The following TRPC4AP variants were observed in gnomAD, a reference collection of about 807,000 sequenced individuals.
TRPC4AP encodes the protein short transient receptor potential channel 4-associated protein.
TRPC4AP carries 45 observed loss-of-function variants against 99.0 expected under a neutral mutation model. The ratio of observed to expected loss-of-function variants is 0.45; its 90% CI spans 0.36 to 0.58. TRPC4AP has a LOEUF of 0.58. Ranked by LOEUF, TRPC4AP falls within the 20% of genes least tolerant of loss-of-function variation. The pLI, the probability that TRPC4AP is intolerant of heterozygous loss-of-function variation, is 0.00. For missense variants in TRPC4AP, 879 were observed against 985.3 expected, an observed-to-expected ratio of 0.89 and a Z score of 1.44; for synonymous variants, 408 against 385.8, an observed-to-expected ratio of 1.06 and a Z score of -0.67.
chr20:35,077,869 T>C (rs1456856802), intron 2 of TRPC4AP, among the ~76,000 whole-genome samples, 177 bp downstream of exon 2: 1 of 152,140 alleles, frequency 6.6e-6, no homozygotes, highest in Non-Finnish European at 1.5e-5. Flanking sequence ...GATGATGGGA[T>C]TATAGGTGAT....
At position 35,003,011 on chromosome 20, in the gene TRPC4AP, TCCCACCAAG is replaced by T. The variant is rs2082425835; in HGVS notation, c.*126_*134del. The T allele has an allele frequency of 1.5e-6, 2 of 1,297,406 alleles. No homozygotes were observed. The highest frequency in any genetic ancestry group is 2.1e-6 in the Non-Finnish European group (2 of 945,254). The allele number at this position is 1,297,406 out of a possible 1,614,324, so 80.4% of individuals were successfully genotyped here. ...GGACCAAGGGCTTCTAGGACTTCCCTCCCACCAAGCCTGTACCCAAAGACCTGGGGCAGG... is the reference window on the plus strand; with the variant it reads ...GGACCAAGGGCTTCTAGGACTTCCCTCCTGTACCCAAAGACCTGGGGCAGG... On this transcript the variant is annotated 3_prime_UTR_variant, in exon 19 of 19. Transcript: ENST00000252015.
rs370558652 is a variant in TRPC4AP at position 35,044,684 on chromosome 20, T to C, written c.686A>G (p.Asn229Ser). 2.8e-5 allele frequency: 45 copies of C among 1,614,040 alleles called. No individual in the cohort carries two copies. The highest frequency in any genetic ancestry group is 1.7e-4 in the Admixed American group (10 of 59,998). ...GAAATTGGATACTAAGGAACTCAGA[T>C]TGGGGACTTCATCTAGTCGGATCAT... ...KEMIRLDEVP[N>S]LSSLVSNFDQ... The change falls in exon 7 of 19, where the codon AAT becomes AGT. Residue 229 changes from asparagine (N) to serine (S), a missense_variant. By Grantham distance (46) the Asn-to-Ser change is conservative (BLOSUM62 1). This residue lies in a region of TRPC4AP where 603 missense variants were observed against 631.8 expected (regional missense o/e 0.95). Coordinates refer to ENST00000252015, the MANE Select transcript of TRPC4AP (RefSeq NM_015638.3).
intron 7 of TRPC4AP, among the ~76,000 whole-genome samples, chr20:35,040,394 C>T (rs1001250604): frequency 6.6e-6 from 1 of 152,176 alleles, no homozygotes; most frequent in African/African-American, 2.4e-5. Context: ...TCTCCCCCTT[C>T]TGGAGTGGGA....
At chr20:35,017,636 G>C (rs1029045942) in intron 9 of TRPC4AP, among the ~76,000 whole-genome samples, 1 of 152,096 alleles carries the variant, frequency 6.6e-6, no homozygotes, top group African/African-American at 2.4e-5. Flanking sequence ...TGATTGCAAC[G>C]GCACCTAACT....
At chr20:35,037,071 G>A (rs998884587) in intron 7 of TRPC4AP, among the ~76,000 whole-genome samples, 4 of 152,052 alleles carry the variant, frequency 2.6e-5, no homozygotes, top group Non-Finnish European at 5.9e-5. Flanking sequence ...AGTTGGCCAG[G>A]CACGGTGGCT....
intron 7 of TRPC4AP, among the ~76,000 whole-genome samples, chr20:35,040,402 G>C (rs1480087895): frequency 6.6e-6 from 1 of 152,126 alleles, no homozygotes; most frequent in Non-Finnish European, 1.5e-5. Flanking sequence ...TTCTGGAGTG[G>C]GAAGTTTTTC....
intron 3 of TRPC4AP, among the ~76,000 whole-genome samples, chr20:35,059,608 T>A (rs1033224022): frequency 6.6e-6 from 1 of 151,856 alleles, no homozygotes; most frequent in Non-Finnish European, 1.5e-5. Flanking sequence ...CAGTGAGCTA[T>A]GATCATGCCA....
chr20:35,058,813 A>G (rs960617180), intron 3 of TRPC4AP, among the ~76,000 whole-genome samples: 2 of 148,438 alleles, frequency 1.3e-5, no homozygotes, highest in South Asian at 4.2e-4. Flanking sequence ...CCTCAGCCTC[A>G]GAGTAGCAGG....
intron 3 of TRPC4AP, among the ~76,000 whole-genome samples, chr20:35,060,584 C>CGAAAAAAAA (rs1569133058): frequency 2.2e-5 from 1 of 45,868 alleles, no homozygotes; most frequent in Non-Finnish European, 4.3e-5. Flanking sequence ...GACCTTGTCT[C>CGAAAAAAAA]CAAAAAAAAA....
In TRPC4AP at chr20:35,051,067, CACAT is replaced by C. The variant is rs1191182052; in HGVS notation, c.529-1077_529-1074del. ...ACACACACACACACACACACACACA[CACAT>C]ATATATCCCACCCCTACTGCCTTAA... is the stretch of plus-strand genomic sequence containing the variant. On this transcript the variant is annotated intron_variant, in intron 5 of 18. Transcript: ENST00000252015. Among the ~76,000 whole-genome samples the C allele has an allele frequency of 1.9e-4, 29 of 151,392 alleles. No individual in the cohort carries two copies. The South Asian group carries it at 2.1e-3, about 11-fold the overall frequency.
intron 3 of TRPC4AP, among the ~76,000 whole-genome samples, chr20:35,061,046 AAACT>A (rs558265369): frequency 6.6e-5 from 10 of 152,220 alleles, no homozygotes; most frequent in South Asian, 2.1e-4. Context: ...GGAATAAGTA[AAACT>A]AACTATTTAC....
chr20:35,008,269 TC>T (rs1430308730), intron 13 of TRPC4AP, among the ~76,000 whole-genome samples: 2 of 152,170 alleles, frequency 1.3e-5, no homozygotes, highest in Non-Finnish European at 2.9e-5. Context: ...CTCCCTGTAT[TC>T]ACCCAGCCCC....
chr20:35,059,826 AGAT>A (rs1322202227), intron 3 of TRPC4AP, among the ~76,000 whole-genome samples: 9 of 152,178 alleles, frequency 5.9e-5, no homozygotes, highest in Admixed American at 2.0e-4. Flanking sequence ...AAGACGAAGA[AGAT>A]GAAGACAAAG....
rs779832508 is a variant in TRPC4AP at position 35,092,741 on chromosome 20, C to A, written c.41G>T (p.Arg14Leu). ...CACTGTGGCTGCCGACCGTCTCCCT[C>A]GGCCGGCTCCAGACCCAGCCGCTAC... ...APVAAGSGAG[R>L]GRRSAATVAA... is the part of the protein sequence containing the mutation. Residue 14 changes from arginine (R) to leucine (L), a missense_variant, in exon 1 of 19, where the codon CGA becomes CTA. Physicochemically the swap from Arg to Leu is moderately radical, Grantham distance 102 (BLOSUM62 -2). Coordinates refer to ENST00000252015, the MANE Select transcript of TRPC4AP (RefSeq NM_015638.3). 6.4e-6 allele frequency: 10 copies of A among 1,562,598 alleles called. No homozygotes were observed. Among genetic ancestry groups the A allele is most frequent in the Middle Eastern group, 1.8e-4 (1 of 5,420 alleles).
intron 1 of TRPC4AP, among the ~76,000 whole-genome samples, chr20:35,091,398 C>T (rs1468503554): frequency 3.3e-5 from 5 of 152,036 alleles, no homozygotes; most frequent in Non-Finnish European, 5.9e-5. Flanking sequence ...CACAGACCCC[C>T]TAGCCTTTAT....
At chr20:35,076,556 CCAG>C (rs1369302329) in intron 2 of TRPC4AP, among the ~76,000 whole-genome samples, 1 of 152,190 alleles carries the variant, frequency 6.6e-6, no homozygotes, top group Non-Finnish European at 1.5e-5. Flanking sequence ...CTGGGTATCA[CCAG>C]CAGAGGCTGC....
rs1053110743 is a variant in TRPC4AP, at chr20:35,084,520, G to GTGTATATA, written c.169-6354_169-6347dup. Among the ~76,000 whole-genome samples the GTGTATATA allele has an allele frequency of 2.0e-5, 3 of 147,802 alleles. No individual in the cohort carries two copies. In the Admixed American group the frequency reaches 2.0e-4, roughly 10 times the overall value. On this transcript the variant is annotated intron_variant, in intron 1 of 18. Transcript: ENST00000252015. ...TCTATATATGTATATACGTATATAT[G>GTGTATATA]TGTATATATGTATATATGTATATGT... is the stretch of plus-strand genomic sequence containing the variant.
chr20:35,009,079 ACT>A (rs1295995254), intron 12 of TRPC4AP, among the ~76,000 whole-genome samples: 2 of 151,976 alleles, frequency 1.3e-5, no homozygotes, highest in African/African-American at 4.8e-5. Flanking sequence ...ATGGGGAAAG[ACT>A]CTGCCAATAG....
chr20:35,088,546 T>C (rs2084950551), intron 1 of TRPC4AP, among the ~76,000 whole-genome samples: 1 of 152,244 alleles, frequency 6.6e-6, no homozygotes, highest in Non-Finnish European at 1.5e-5. Flanking sequence ...TGAGAGCAAC[T>C]ATTTACTAAA....
Sources: allele counts gnomAD v4.1 joint callset (sites outside exome capture counted in the v4.1 genomes callset), GRCh38; gene constraint gnomAD v4.1.1; regional missense constraint gnomAD v4.1.1; transcripts MANE v1.5; gene names NCBI Gene and HGNC (gene_info 2026-07-23, HGNC 2026-07-21).